Variants in ARHGAP10 observed in about 807,000 individuals in gnomAD.
ARHGAP10 encodes Rho GTPase activating protein 10.
ARHGAP10 carries 87 observed loss-of-function variants against 108.6 expected under a neutral mutation model. That is an observed-to-expected ratio of 0.80 (90% CI 0.67 to 0.96). ARHGAP10 has a LOEUF of 0.96. Ranked by LOEUF, ARHGAP10 falls within the 40% of genes least tolerant of loss-of-function variation. The pLI, the probability that ARHGAP10 is intolerant of heterozygous loss-of-function variation, is 0.00. For synonymous variants in ARHGAP10, 347 were observed against 341.1 expected (o/e 1.02, Z -0.19); for missense variants, 939 against 954.5 (o/e 0.98, Z 0.21).
In ARHGAP10 at chr4:147,737,380, C is replaced by T. The variant is rs552625049; in HGVS notation, c.154+4925C>T. Among the ~76,000 whole-genome samples, 5 of 147,070 alleles carry T rather than the reference C, an allele frequency of 3.4e-5. No homozygotes were observed. The South Asian group carries it at 1.1e-3, about 32-fold the overall frequency. ...GTTTCACTGTGGTTGGTCTTGAACT[C>T]CTGGCCTCATGTGATCCGTCCACCT... On this transcript the variant is annotated intron_variant, in intron 1 of 22. Coordinates refer to ENST00000336498, the MANE Select transcript of ARHGAP10 (RefSeq NM_024605.4).
At chr4:147,983,805 T>A (rs79516735) in intron 18 of ARHGAP10, among the ~76,000 whole-genome samples, 2,646 of 152,308 alleles carry the variant, frequency 0.017, 88 homozygotes, top group African/African-American at 0.059. Context: ...TTTCAGACAT[T>A]CATTCCGGTT....
At chr4:147,741,995 C>T (rs10034181) in intron 1 of ARHGAP10, among the ~76,000 whole-genome samples, 3,612 of 152,112 alleles carry the variant, frequency 0.024, 144 homozygotes, top group African/African-American at 0.083. Context: ...AATATTTCAA[C>T]GGTGAGTGTG....
intron 19 of ARHGAP10, among the ~76,000 whole-genome samples, chr4:148,031,777 T>A (rs377754979): frequency 1.3e-5 from 2 of 152,264 alleles, no homozygotes; most frequent in South Asian, 4.2e-4. Flanking sequence ...AGGACTATGG[T>A]TTTCAATGTG....
intron 16 of ARHGAP10, among the ~76,000 whole-genome samples, chr4:147,962,765 G>T (rs1739047892): frequency 6.6e-6 from 1 of 152,220 alleles, no homozygotes; most frequent in East Asian, 1.9e-4. Context: ...CTGGGTTCAG[G>T]CACTTTTCCC....
chr4:147,830,512 C>CTTTTTTTTTTTTTT (rs56946602), intron 3 of ARHGAP10, among the ~76,000 whole-genome samples: 1 of 102,326 alleles, frequency 9.8e-6, no homozygotes, highest in East Asian at 2.8e-4. Context: ...ACCACAATTC[C>CTTTTTTTTTTTTTT]TTTTTTTTTT....
At chr4:147,778,174 C>T (rs1393851002) in intron 1 of ARHGAP10, among the ~76,000 whole-genome samples, 1 of 152,148 alleles carries the variant, frequency 6.6e-6, no homozygotes, top group Non-Finnish European at 1.5e-5. Flanking sequence ...GGCATTTTTT[C>T]ATGCCTGCTC....
chr4:147,886,603 CTTCT>C (rs992217093), intron 10 of ARHGAP10, among the ~76,000 whole-genome samples: 1 of 152,138 alleles, frequency 6.6e-6, no homozygotes, highest in African/African-American at 2.4e-5. Context: ...TGCTTCTTTC[CTTCT>C]TTATTTTGCT....
At chr4:148,071,242 G>GTGCC (rs1730162179) in intron 22 of ARHGAP10, among the ~76,000 whole-genome samples, 1 of 152,244 alleles carries the variant, frequency 6.6e-6, no homozygotes, top group Admixed American at 6.5e-5. Context: ...CATGCATGAT[G>GTGCC]TGCCAGTGGA....
intron 19 of ARHGAP10, among the ~76,000 whole-genome samples, chr4:148,036,208 T>G (rs1728371964): frequency 6.6e-6 from 1 of 152,096 alleles, no homozygotes; most frequent in Non-Finnish European, 1.5e-5. Context: ...CTGAAAAATA[T>G]CTCAATTTTA....
intron 1 of ARHGAP10, among the ~76,000 whole-genome samples, chr4:147,780,946 GGAGAATGAGAGAAGACGCTCCA>G (rs1330002478): frequency 1.3e-5 from 2 of 152,110 alleles, no homozygotes; most frequent in Non-Finnish European, 1.5e-5. Context: ...CCCACTTTTG[GGAGAATGAGAGAAGACGCTCCA>G]GAGAATGAGA....
intron 1 of ARHGAP10, among the ~76,000 whole-genome samples, chr4:147,811,606 A>G (rs987487637): frequency 6.6e-6 from 1 of 152,098 alleles, no homozygotes; most frequent in African/African-American, 2.4e-5. Context: ...AAAAAAACAA[A>G]AAACAAAACA....
intron 5 of ARHGAP10, among the ~76,000 whole-genome samples, chr4:147,860,364 C>A (rs1734264460): frequency 6.6e-6 from 1 of 152,196 alleles, no homozygotes; most frequent in African/African-American, 2.4e-5. Flanking sequence ...ATGGCGTGAA[C>A]CCAGGAGGTG....
intron 14 of ARHGAP10, 185 bp from the exon 15 acceptor site, chr4:147,946,432 G>C (rs888867412): frequency 8.1e-6 from 4 of 492,974 alleles, no homozygotes; most frequent in Non-Finnish European, 1.4e-5. Flanking sequence ...TTTACGAAGT[G>C]CCAGAAGTGT....
intron 18 of ARHGAP10, among the ~76,000 whole-genome samples, chr4:147,992,830 C>CTTG (rs1740332120): frequency 6.6e-6 from 1 of 152,202 alleles, no homozygotes; most frequent in Non-Finnish European, 1.5e-5. Flanking sequence ...AAGGTATGAG[C>CTTG]TTGTACCACG....
intron 8 of ARHGAP10, among the ~76,000 whole-genome samples, chr4:147,877,659 A>C (rs1429969346): frequency 6.6e-6 from 1 of 152,132 alleles, no homozygotes; most frequent in Admixed American, 6.5e-5. Context: ...TGGCATGTGA[A>C]GTTCCAGATG....
intron 1 of ARHGAP10, among the ~76,000 whole-genome samples, chr4:147,749,602 CAATT>C: frequency 6.6e-6 from 1 of 152,114 alleles, no homozygotes; most frequent in Non-Finnish European, 1.5e-5. Flanking sequence ...AATTTGAAAT[CAATT>C]GAGAAATCCT....
At chr4:147,830,430 T>C (rs1732903139) in intron 3 of ARHGAP10, among the ~76,000 whole-genome samples, 1 of 152,126 alleles carries the variant, frequency 6.6e-6, no homozygotes, top group African/African-American at 2.4e-5. Flanking sequence ...TTGACACGGA[T>C]TTTTGTTCCA....
rs1307180480 is a variant in ARHGAP10, at chr4:147,866,850, G to A, written c.702+34G>A. Reference sequence around the variant, plus strand: ...GTGAAAGCTTTCTTTATAAAAAGATGTTTGAAAAGTATTTTTCATTTGTGT... The same window carrying A: ...GTGAAAGCTTTCTTTATAAAAAGATATTTGAAAAGTATTTTTCATTTGTGT... On this transcript the variant is annotated intron_variant, in intron 7 of 22. Transcript: ENST00000336498. The A allele has an allele frequency of 6.7e-6, 10 of 1,502,982 alleles. No individual in the cohort carries two copies. In the Admixed American group the frequency reaches 1.7e-4, roughly 26 times the overall value. The allele number at this position is 1,502,982 out of a possible 1,614,324, so 93.1% of individuals were successfully genotyped here.
chr4:147,804,539 C>G (rs1731706314), intron 1 of ARHGAP10, among the ~76,000 whole-genome samples: 3 of 152,158 alleles, frequency 2.0e-5, no homozygotes. Flanking sequence ...ATTGCTGGGT[C>G]AAATGGTAGT....
Sources: gnomAD v4.1 joint callset for allele counts (sites outside exome capture counted in the v4.1 genomes callset) on GRCh38, gnomAD v4.1.1 for gene constraint, MANE v1.5 for transcripts, NCBI Gene and HGNC (gene_info 2026-07-23, HGNC 2026-07-21) for gene names.